The following VWC2 variants were observed in gnomAD, a reference collection of about 807,000 sequenced individuals.
VWC2 encodes brorin.
Under a neutral mutation model 29.8 loss-of-function variants are expected in VWC2, and 14 were observed. The ratio of observed to expected loss-of-function variants is 0.47; its 90% CI spans 0.31 to 0.74. The LOEUF (loss-of-function observed/expected upper bound fraction) is 0.74. VWC2 is among the 30% of genes least tolerant of loss of function. VWC2 has a pLI of 0.05. For missense variants in VWC2, 457 were observed against 459.8 expected, an observed-to-expected ratio of 0.99 and a Z score of 0.05; for synonymous variants, 213 against 199.0, an observed-to-expected ratio of 1.07 and a Z score of -0.59.
At chr7:49,778,747 C>T (rs140774425) in intron 2 of VWC2, among the ~76,000 whole-genome samples, 2 of 152,314 alleles carry the variant, frequency 1.3e-5, no homozygotes, top group African/African-American at 4.8e-5. Flanking sequence ...TACCAGGGCA[C>T]AGAAATTGTT....
chr7:49,895,742 G>A (rs1050199952), intron 3 of VWC2, among the ~76,000 whole-genome samples: 7 of 151,142 alleles, frequency 4.6e-5, no homozygotes, highest in African/African-American at 1.5e-4. Flanking sequence ...CATATTTCTT[G>A]TAATATATAG....
chr7:49,873,923 A>C (rs1480525377), intron 3 of VWC2, among the ~76,000 whole-genome samples: 1 of 151,694 alleles, frequency 6.6e-6, no homozygotes, highest in African/African-American at 2.4e-5. Context: ...AAAAAACAAC[A>C]AAAAAAAGAT....
At chr7:49,791,468 C>T (rs995141434) in intron 2 of VWC2, among the ~76,000 whole-genome samples, 32 of 152,196 alleles carry the variant, frequency 2.1e-4, no homozygotes, top group Non-Finnish European at 1.3e-4. Context: ...TAGTTTAGAA[C>T]ATTGCTTTTC....
At chr7:49,812,199 G>T (rs369615931) in intron 3 of VWC2, among the ~76,000 whole-genome samples, 2 of 152,212 alleles carry the variant, frequency 1.3e-5, no homozygotes, top group African/African-American at 4.8e-5. Flanking sequence ...ATTTATTGAG[G>T]TGATGGTATG....
At chr7:49,875,135 G>C (rs1791347100) in intron 3 of VWC2, among the ~76,000 whole-genome samples, 1 of 151,340 alleles carries the variant, frequency 6.6e-6, no homozygotes, top group Admixed American at 6.6e-5. Context: ...ACTTTGGGAG[G>C]CCGAGGCAGG....
chr7:49,899,079 A>G (rs1792561959), intron 3 of VWC2, among the ~76,000 whole-genome samples: 1 of 152,050 alleles, frequency 6.6e-6, no homozygotes, highest in South Asian at 2.1e-4. Context: ...ACAACACACC[A>G]CTATTTGTTG....
intron 3 of VWC2, among the ~76,000 whole-genome samples, chr7:49,884,316 A>G (rs967598224): frequency 6.6e-6 from 1 of 152,230 alleles, no homozygotes; most frequent in Admixed American, 6.5e-5. Context: ...TAGCATGGAG[A>G]GCCAATCACT....
intron 3 of VWC2, among the ~76,000 whole-genome samples, chr7:49,885,500 G>A (rs985094666): frequency 1.3e-5 from 2 of 151,670 alleles, no homozygotes; most frequent in East Asian, 1.9e-4. Flanking sequence ...TTCTGAAAAG[G>A]TAAAACTCGT....
intron 3 of VWC2, among the ~76,000 whole-genome samples, chr7:49,815,191 G>A (rs1361873322): frequency 6.6e-6 from 1 of 152,140 alleles, no homozygotes; most frequent in African/African-American, 2.4e-5. Context: ...TGCCTTTAAT[G>A]ATCTCACAGT....
chr7:49,893,096 T>C (rs1046328166), intron 3 of VWC2, among the ~76,000 whole-genome samples: 1 of 152,220 alleles, frequency 6.6e-6, no homozygotes, highest in Non-Finnish European at 1.5e-5. Context: ...GGACATATTA[T>C]TTCTGTTTCC....
At chr7:49,890,173 A>C (rs1792069755) in intron 3 of VWC2, among the ~76,000 whole-genome samples, 1 of 152,232 alleles carries the variant, frequency 6.6e-6, no homozygotes, top group Non-Finnish European at 1.5e-5. Context: ...GGTCTTAACA[A>C]TGAACAACTG....
Position 49,832,366 on chromosome 7 carries a change from G to C in VWC2, c.826+29526G>C, listed in dbSNP as rs552020929. On this transcript the variant is annotated intron_variant, in intron 3 of 3. Transcript: ENST00000340652. The stretch of plus-strand genomic sequence containing the variant: ...TTTTCTGAGAAACAGAATTTGCTGA[G>C]AAATAGAACCTCATTCTATTTTCTG... 2.3e-4 allele frequency among the ~76,000 whole-genome samples: 35 copies of C among 152,100 alleles called. No individual in the cohort carries two copies. In the South Asian group the frequency reaches 7.3e-3, roughly 32 times the overall value.
At chr7:49,853,330 C>T (rs1370156389) in intron 3 of VWC2, among the ~76,000 whole-genome samples, 1 of 152,276 alleles carries the variant, frequency 6.6e-6, no homozygotes, top group Non-Finnish European at 1.5e-5. Flanking sequence ...GGGCACACCC[C>T]TGTCCCTCCC....
intron 3 of VWC2, among the ~76,000 whole-genome samples, chr7:49,817,304 G>A (rs1488445293): frequency 6.6e-6 from 1 of 152,178 alleles, no homozygotes; most frequent in Non-Finnish European, 1.5e-5. Context: ...CAATAAAACT[G>A]TTCATCCTCA....
At chr7:49,835,762 A>G (rs1280440990) in intron 3 of VWC2, among the ~76,000 whole-genome samples, 1 of 152,226 alleles carries the variant, frequency 6.6e-6, no homozygotes, top group Non-Finnish European at 1.5e-5. Flanking sequence ...ATTTATAAGT[A>G]AAATGTATGA....
rs1793565725 is a variant in VWC2 at position 49,913,513 on chromosome 7, T to C, written c.*1328T>C. The C allele has an allele frequency of 1.3e-5, 2 of 152,182 alleles. No homozygotes were observed. The highest frequency in any genetic ancestry group is 2.4e-5 in the African/African-American group (1 of 41,448). The allele number at this position is 152,182 out of a possible 1,614,324, so 9.4% of individuals were successfully genotyped here. On this transcript the variant is annotated 3_prime_UTR_variant, in exon 4 of 4. Transcript: ENST00000340652. ...AATGTCTTTAAAGGATTAAAATATA[T>C]ATAATCATTATTTGAAGCCTCTAAA...
chr7:49,875,006 T>A lies in VWC2; in HGVS notation c.827-37028T>A, dbSNP rs759027473. Among the ~76,000 whole-genome samples, 284 of 151,996 alleles carry A rather than the reference T, an allele frequency of 1.9e-3. 3 individuals are homozygous for A. The highest frequency in any genetic ancestry group is 4.1e-3 in the Admixed American group (62 of 15,262). The stretch of plus-strand genomic sequence containing the variant: ...CATCGTTTCCAATGGATAAAAGAAA[T>A]TTTGCAGAAAGAACTGGAAACAGTT... On this transcript the variant is annotated intron_variant, in intron 3 of 3. Transcript: ENST00000340652.
At chr7:49,780,763 G>A (rs984035168) in intron 2 of VWC2, among the ~76,000 whole-genome samples, 4 of 152,192 alleles carry the variant, frequency 2.6e-5, no homozygotes, top group Non-Finnish European at 5.9e-5. Context: ...CAAAGCATAA[G>A]AACTGTTGAG....
intron 2 of VWC2, among the ~76,000 whole-genome samples, chr7:49,777,104 A>G (rs1788071111): frequency 1.3e-5 from 2 of 152,226 alleles, no homozygotes; most frequent in African/African-American, 2.4e-5. Context: ...AGACCTGCAC[A>G]GGTGTTCAGT....
Sources: gnomAD v4.1 joint callset for allele counts (sites outside exome capture counted in the v4.1 genomes callset) on GRCh38, gnomAD v4.1.1 for gene constraint, MANE v1.5 for transcripts, NCBI Gene and HGNC (gene_info 2026-07-23, HGNC 2026-07-21) for gene names.